FKTN: variants seen among roughly 807,000 people sequenced by gnomAD.
The protein encoded by FKTN is fukutin.
FKTN carries 47 observed loss-of-function variants against 58.6 expected under a neutral mutation model. The observed-to-expected ratio is 0.80, with a 90% CI of 0.63 to 1.02. FKTN has a LOEUF of 1.02. FKTN is among the 50% of genes least tolerant of loss of function. The probability of loss-of-function intolerance (pLI) is 0.00; values close to 1 mark genes in which losing one functional copy is unlikely to be tolerated. For missense variants in FKTN, 516 were observed against 537.3 expected (o/e 0.96, Z 0.39); for synonymous variants, 178 against 191.9 (o/e 0.93, Z 0.60).
intron 1 of FKTN, among the ~76,000 whole-genome samples, chr9:105,566,967 C>T (rs1480363429): frequency 1.3e-5 from 2 of 152,152 alleles, no homozygotes; most frequent in Non-Finnish European, 2.9e-5. Flanking sequence ...GGGCTTCATC[C>T]CCAGGATGCA....
At chr9:105,576,470 A>G (rs1336452002) in intron 3 of FKTN, among the ~76,000 whole-genome samples, 1 of 150,694 alleles carries the variant, frequency 6.6e-6, no homozygotes, top group East Asian at 1.9e-4. Flanking sequence ...TTCCAATTTC[A>G]TCCATGTCCC....
chr9:105,595,634 C>T lies in FKTN; in HGVS notation c.106-964C>T, dbSNP rs75244388. ...CTTCATCTCTCCATCCCTTCCTCTC[C>T]CCTTCCAATTAACAAACCTTTACTA... On this transcript the variant is annotated intron_variant, in intron 3 of 10. Coordinates refer to ENST00000357998, the MANE Select transcript of FKTN (RefSeq NM_001079802.2). Among the ~76,000 whole-genome samples, 1,374 of 152,250 alleles carry T rather than the reference C, an allele frequency of 9.0e-3. 20 individuals carry two copies. Among genetic ancestry groups the T allele is most frequent in the African/African-American group, 0.032 (1,316 of 41,542 alleles).
chr9:105,606,459 G>A (rs1021072738), intron 6 of FKTN, among the ~76,000 whole-genome samples: 1 of 151,790 alleles, frequency 6.6e-6, no homozygotes, highest in African/African-American at 2.4e-5. Flanking sequence ...CTTGGAGTAT[G>A]AAGTTTCTAA....
chr9:105,567,494 T>C (rs1331358576), intron 1 of FKTN, among the ~76,000 whole-genome samples: 1 of 151,646 alleles, frequency 6.6e-6, no homozygotes, highest in Admixed American at 6.6e-5. Flanking sequence ...AGCATTCTTA[T>C]ACACCAAATA....
At position 105,639,657 on chromosome 9, in the gene FKTN, ATCAAG is replaced by A. The variant is rs1047701788; in HGVS notation, c.*4397_*4401del. ...ATTTGCTTAAGAAAAAAAAAATTGT[ATCAAG>A]TCATTAATACAATTATACATTAATT... On this transcript the variant is annotated 3_prime_UTR_variant, in exon 11 of 11. Transcript: ENST00000357998. The A allele has an allele frequency of 1.1e-4, 101 of 930,704 alleles. No individual in the cohort carries two copies. Among genetic ancestry groups the A allele is most frequent in the Non-Finnish European group, 3.8e-5 (30 of 780,132 alleles). The allele number at this position is 930,704 out of a possible 1,614,324, so 57.7% of individuals were successfully genotyped here.
intron 10 of FKTN, chr9:105,624,443 C>T (rs1164071915): frequency 6.6e-6 from 1 of 151,800 alleles, no homozygotes; most frequent in Non-Finnish European, 1.5e-5. Flanking sequence ...GCTTGGGCAA[C>T]AGAATAAACC....
intron 3 of FKTN, among the ~76,000 whole-genome samples, chr9:105,579,043 C>G (rs542982299): frequency 0.013 from 1,960 of 151,142 alleles, 42 homozygotes; most frequent in African/African-American, 0.045. Flanking sequence ...GCGTCTATTT[C>G]ATTCTTCTCT....
In FKTN at chr9:105,573,011, G is replaced by A. The variant is rs566577131; in HGVS notation, c.-180-644G>A. On this transcript the variant is annotated intron_variant, in intron 1 of 10. Transcript: ENST00000357998. ...GCACTTTGGGAGGCTGAGGCAGGTGGGTTGCTTGAGGTGAGGAGTTCGTGA... is the reference window on the plus strand; with the variant it reads ...GCACTTTGGGAGGCTGAGGCAGGTGAGTTGCTTGAGGTGAGGAGTTCGTGA... 2.0e-5 allele frequency among the ~76,000 whole-genome samples: 3 copies of A among 152,226 alleles called. No homozygotes were observed. In the East Asian group the frequency reaches 5.8e-4, roughly 29 times the overall value.
In FKTN at chr9:105,559,483, A is replaced by G. The variant is rs185018746; in HGVS notation, c.-181+1318A>G. 9.1e-3 allele frequency among the ~76,000 whole-genome samples: 1,380 copies of G among 152,088 alleles called. 22 individuals are homozygous for G. The highest frequency in any genetic ancestry group is 0.032 in the African/African-American group (1,322 of 41,484). The stretch of plus-strand genomic sequence containing the variant: ...GATCACCTGAGGCCAAGGAGTTCGA[A>G]ACCAGCCTGGCCAACATGGTGAAAC... On this transcript the variant is annotated intron_variant, in intron 1 of 10. Coordinates refer to ENST00000357998, the MANE Select transcript of FKTN (RefSeq NM_001079802.2).
intron 10 of FKTN, among the ~76,000 whole-genome samples, chr9:105,622,043 G>A (rs1266367723): frequency 6.6e-6 from 1 of 152,014 alleles, no homozygotes; most frequent in Non-Finnish European, 1.5e-5. Context: ...TCAACCACAT[G>A]GTTTGAGAAT....
intron 7 of FKTN, among the ~76,000 whole-genome samples, chr9:105,611,587 A>G (rs1209772918): frequency 3.9e-5 from 6 of 152,148 alleles, no homozygotes; most frequent in Non-Finnish European, 5.9e-5. Context: ...ACTTATAAAA[A>G]CATGAAGTAT....
intron 7 of FKTN, among the ~76,000 whole-genome samples, chr9:105,610,003 T>C (rs74523150): frequency 0.032 from 4,801 of 152,334 alleles, 167 homozygotes; most frequent in African/African-American, 0.088. Flanking sequence ...GTTTCCTATT[T>C]TACCCTATGG....
In FKTN at chr9:105,568,523, C is replaced by A. The variant is rs533866539; in HGVS notation, c.-180-5132C>A. On this transcript the variant is annotated intron_variant, in intron 1 of 10. Transcript: ENST00000357998. ...CAAAAGAAGACATTTATGCAGCCAA[C>A]AGACACATGAAAAAATGCTCATCAT... 6.6e-5 allele frequency among the ~76,000 whole-genome samples: 10 copies of A among 152,212 alleles called. No homozygotes were observed. In the East Asian group the frequency reaches 7.7e-4, roughly 12 times the overall value.
At chr9:105,569,550 CTG>C (rs1442088203) in intron 1 of FKTN, among the ~76,000 whole-genome samples, 4 of 152,126 alleles carry the variant, frequency 2.6e-5, no homozygotes, top group Admixed American at 6.5e-5. Flanking sequence ...GCCCCAAAGA[CTG>C]AGAGGATTGT....
intron 3 of FKTN, among the ~76,000 whole-genome samples, chr9:105,578,194 T>C (rs1842122341): frequency 6.7e-6 from 1 of 149,764 alleles, no homozygotes; most frequent in Non-Finnish European, 1.5e-5. Context: ...TGGCCAGAAC[T>C]TCCAACACTA....
rs1175183833 is a variant in FKTN at position 105,636,671 on chromosome 9, A to C, written c.*1407A>C. 1.6e-6 allele frequency: 2 copies of C among 1,266,998 alleles called. No individual in the cohort carries two copies. The highest frequency in any genetic ancestry group is 2.1e-6 in the Non-Finnish European group (2 of 965,452). 78.5% of individuals were successfully genotyped at this position (1,266,998 alleles called of 1,614,324 possible). A position where few individuals can be genotyped will look rare whatever the true frequency, so the allele number is the denominator to read the frequency against. On this transcript the variant is annotated 3_prime_UTR_variant, in exon 11 of 11. Transcript: ENST00000357998. ...AGCACTGCTATTTTTCTCTTTGTCTAGGAAAGGAAGCTGAATCTTATATCT... is the reference window on the plus strand; with the variant it reads ...AGCACTGCTATTTTTCTCTTTGTCTCGGAAAGGAAGCTGAATCTTATATCT...
intron 10 of FKTN, among the ~76,000 whole-genome samples, chr9:105,631,342 TAAA>T (rs1045065736): frequency 1.3e-5 from 2 of 152,122 alleles, no homozygotes; most frequent in African/African-American, 4.8e-5. Flanking sequence ...AATTAAAAGT[TAAA>T]AGAAGAGAAA....
rs1262931366 is a variant in FKTN, at chr9:105,564,798, T to G, written c.-181+6633T>G. On this transcript the variant is annotated intron_variant, in intron 1 of 10. Transcript: ENST00000357998. ...ATTCAAATTCAGGAAGTACAGAGAA[T>G]GCCACAAAGATACTCCTCGAGAAGA... Among the ~76,000 whole-genome samples, 3 of 152,054 alleles carry G rather than the reference T, an allele frequency of 2.0e-5. No homozygotes were observed. The East Asian group carries it at 5.8e-4, about 29-fold the overall frequency.
At chr9:105,626,102 A>G (rs1832702206) in intron 10 of FKTN, among the ~76,000 whole-genome samples, 1 of 152,164 alleles carries the variant, frequency 6.6e-6, no homozygotes, top group Non-Finnish European at 1.5e-5. Flanking sequence ...TGAATATATC[A>G]CAAATATTTA....
Sources: allele counts gnomAD v4.1 joint callset (sites outside exome capture counted in the v4.1 genomes callset), GRCh38; gene constraint gnomAD v4.1.1; transcripts MANE v1.5; gene names NCBI Gene and HGNC (gene_info 2026-07-23, HGNC 2026-07-21).